The following SEMA3B variants were observed in gnomAD, a reference collection of about 807,000 sequenced individuals.
SEMA3B encodes semaphorin 3B, also known as semaphorin-3B.
Under a neutral mutation model 77.8 loss-of-function variants are expected in SEMA3B, and 71 were observed. That is an observed-to-expected ratio of 0.91 (90% CI 0.75 to 1.11). The LOEUF (loss-of-function observed/expected upper bound fraction) is 1.11. Among genes scored for constraint, SEMA3B ranks in the 50% most tolerant of loss-of-function variants. The pLI, the probability that SEMA3B is intolerant of heterozygous loss-of-function variation, is 0.00. For missense variants in SEMA3B, 968 were observed against 1,056.8 expected (o/e 0.92, Z 1.17); for synonymous variants, 470 against 452.9 (o/e 1.04, Z -0.48).
At position 50,275,818 on chromosome 3, in the gene SEMA3B, C is replaced by G. The variant is rs1357491950; in HGVS notation, c.1819C>G (p.Arg607Gly). ...LQARVEWTFQ[R>G]AGVTAHTQVL... Reference sequence around the variant, plus strand: ...GGCGCGCGTGGAGTGGACTTTCCAGCGCGCAGGGGTGACAGCCCACACCCA... The same window carrying G: ...GGCGCGCGTGGAGTGGACTTTCCAGGGCGCAGGGGTGACAGCCCACACCCA... The change falls in exon 16 of 17, where the codon CGC (arginine) becomes GGC (glycine). Residue 607 changes from arginine to glycine, a missense_variant. Transcript: ENST00000616701. The surrounding 1 kb of genome is among the most constrained non-coding windows in gnomAD (Gnocchi z 7.5). 2 of 1,608,352 alleles carry G rather than the reference C, an allele frequency of 1.2e-6. No individual in the cohort carries two copies. The highest frequency in any genetic ancestry group is 1.7e-6 in the Non-Finnish European group (2 of 1,178,934).
At chr3:50,271,037 G>A (rs1349039618) in intron 4 of SEMA3B, 28 bp downstream of exon 4, 2 of 1,584,004 alleles carry the variant, frequency 1.3e-6, no homozygotes, top group African/African-American at 2.7e-5. Flanking sequence ...CAGGGAGGGA[G>A]GTCAGGAGGG....
chr3:50,276,774 A>G lies in SEMA3B; in HGVS notation c.*68A>G. On this transcript the variant is annotated 3_prime_UTR_variant, in exon 17 of 17. Transcript: ENST00000616701. This position sits in a 1 kb window ranked among gnomAD's most constrained non-coding sequence, Gnocchi z 5.8. ...CGAGAGAGGAGCCAGACAGACCCTGAAAAGAAGGACGGGTTGGGGCCGGGC... is the reference window on the plus strand; with the variant it reads ...CGAGAGAGGAGCCAGACAGACCCTGGAAAGAAGGACGGGTTGGGGCCGGGC... 2.1e-6 allele frequency: 3 copies of G among 1,410,028 alleles called. No individual in the cohort carries two copies. The highest frequency in any genetic ancestry group is 2.8e-6 in the Non-Finnish European group (3 of 1,088,182). 87.3% of individuals were successfully genotyped at this position (1,410,028 alleles called of 1,614,324 possible). A position where few individuals can be genotyped will look rare whatever the true frequency, so the allele number is the denominator to read the frequency against.
upstream of SEMA3B, chr3:50,269,117 C>T (rs1411532128): frequency 1.7e-5 from 12 of 706,750 alleles, no homozygotes; most frequent in Non-Finnish European, 2.9e-5. This position sits in a 1 kb window ranked among gnomAD's most constrained non-coding sequence, Gnocchi z 4.0. Flanking sequence ...GGGACTCCCC[C>T]CCTAGCCTCC....
chr3:50,276,823 G>A lies in SEMA3B; in HGVS notation c.*117G>A. On this transcript the variant is annotated 3_prime_UTR_variant, in exon 17 of 17. Coordinates refer to ENST00000616701, the MANE Select transcript of SEMA3B (RefSeq NM_001290060.2). The surrounding 1 kb of genome is among the most constrained non-coding windows in gnomAD (Gnocchi z 5.8). ...GCACATTGGGGGTCACCGGCCGATG[G>A]AGACACCAACCGACAGGCCCTGGCT... The A allele has an allele frequency of 1.6e-6, 2 of 1,243,270 alleles. No homozygotes were observed. The allele number at this position is 1,243,270 out of a possible 1,614,324, so 77.0% of individuals were successfully genotyped here. A position where few individuals can be genotyped will look rare whatever the true frequency, so the allele number is the denominator to read the frequency against.
At position 50,276,132 on chromosome 3, in the gene SEMA3B, T is replaced by G; in HGVS notation, c.1846-170T>G. The G allele has an allele frequency of 2.1e-6, 2 of 972,842 alleles. No individual in the cohort carries two copies. The highest frequency in any genetic ancestry group is 2.9e-6 in the Non-Finnish European group (2 of 690,342). The allele number at this position is 972,842 out of a possible 1,614,324, so 60.3% of individuals were successfully genotyped here. On this transcript the variant is annotated intron_variant, in intron 16 of 16. Transcript: ENST00000616701. This position sits in a 1 kb window ranked among gnomAD's most constrained non-coding sequence, Gnocchi z 5.8. ...ACCCCGCCTCTTTCGGATTCTCCCT[T>G]GAAGACCACCAGCTCCCAAACACTC...
rs781833996 is a variant in SEMA3B at position 50,276,691 on chromosome 3, C to T, written c.2235C>T (p.Ser745=). The T allele has an allele frequency of 5.9e-6, 9 of 1,538,136 alleles. No homozygotes were observed. The highest frequency in any genetic ancestry group is 7.8e-6 in the Non-Finnish European group (9 of 1,150,224). The change falls in exon 17 of 17, where the codon AGC becomes AGT. Residue 745 remains serine (S), a synonymous_variant. Transcript: ENST00000616701. The surrounding 1 kb of genome is among the most constrained non-coding windows in gnomAD (Gnocchi z 5.8). The part of the protein sequence containing the change: ...PEPRAERGPR[S]ATHW ...CTCGCGCTGAGCGGGGGCCGCGCAG[C>T]GCAACGCACTGGTGACCAGACTGTC...
upstream of SEMA3B, among the ~76,000 whole-genome samples, chr3:50,268,126 C>T (rs1700948428): frequency 1.3e-5 from 2 of 152,136 alleles, no homozygotes; most frequent in Admixed American, 6.5e-5. Context: ...AAGGCCAGCT[C>T]AGCGAGGCCA....
chr3:50,263,514 A>C (rs2109228485), upstream of SEMA3B, among the ~76,000 whole-genome samples: 2 of 150,894 alleles, frequency 1.3e-5, no homozygotes, highest in South Asian at 4.2e-4. Flanking sequence ...AAAAAAAAAA[A>C]AAAAAAAAAA....
Position 50,270,346 on chromosome 3 carries a change from C to T in SEMA3B, c.267+62C>T, listed in dbSNP as rs1701013477. 1.9e-6 allele frequency: 3 copies of T among 1,609,762 alleles called. No homozygotes were observed. The African/African-American group carries it at 4.0e-5, about 21-fold the overall frequency. ...AGGAGCCCTGGGACCCCACTCCAGC[C>T]TGGAGAGACCCAGAGGAATGGCTCC... On this transcript the variant is annotated intron_variant, in intron 2 of 16. Coordinates refer to ENST00000616701, the MANE Select transcript of SEMA3B (RefSeq NM_001290060.2). The surrounding 1 kb of genome is among the most constrained non-coding windows in gnomAD (Gnocchi z 4.7).
chr3:50,260,278 G>C, the SEMA3B span: 1 of 152,184 alleles, frequency 6.6e-6, no homozygotes, highest in Non-Finnish European at 1.5e-5. Context: ...CCCCAGGACA[G>C]AGCGGCCTGG....
At position 50,275,309 on chromosome 3, in the gene SEMA3B, T is replaced by G; in HGVS notation, c.1499T>G (p.Leu500Arg). The change falls in exon 14 of 17, where the codon CTG (leucine) becomes CGG (arginine). Residue 500 changes from leucine to arginine, a missense_variant. Transcript: ENST00000616701. The surrounding 1 kb of genome is among the most constrained non-coding windows in gnomAD (Gnocchi z 7.5). ...SMQISSKRHQLYVASRSAVAQ... is the reference protein window; with the variant it reads ...SMQISSKRHQRYVASRSAVAQ... ...GCCCCTCGTGCCCCCTAGCACCAGC[T>G]GTACGTAGCCTCGCGGAGCGCGGTG... The G allele has an allele frequency of 6.4e-7, 1 of 1,567,870 alleles. No homozygotes were observed. The highest frequency in any genetic ancestry group is 2.4e-5 in the East Asian group (1 of 42,540).
chr3:50,260,572 C>G, the SEMA3B span: 3 of 152,300 alleles, frequency 2.0e-5, no homozygotes, highest in African/African-American at 7.2e-5. Flanking sequence ...AGGTCCCCGC[C>G]TTCTTTCAGA....
Position 50,275,658 on chromosome 3 carries a change from C to T in SEMA3B, c.1705+43C>T. ...CCCTACCCTCAGCCCCAGAAGACGC[C>T]CCACCTGCCCTGCCTTGCCTAAATC... On this transcript the variant is annotated intron_variant, in intron 15 of 16. Transcript: ENST00000616701. The surrounding 1 kb of genome is among the most constrained non-coding windows in gnomAD (Gnocchi z 7.5). 6.2e-7 allele frequency: 1 copy of T among 1,613,414 alleles called. No individual in the cohort carries two copies. Among genetic ancestry groups the T allele is most frequent in the Non-Finnish European group, 8.5e-7 (1 of 1,179,542 alleles).
rs1553706429 is a variant in SEMA3B, at chr3:50,275,561, C to T, written c.1651C>T (p.Arg551Trp). The stretch of plus-strand genomic sequence containing the variant: ...CAGAAGATCGGATGTTCCCCACAGG[C>T]GGTTCCGGCGGCAAGACGTAAGGAA... The part of the protein sequence containing the change: ...CTRFQPSAKR[R>W]FRRQDVRNGD... The change falls in exon 15 of 17, where the codon CGG becomes TGG. Residue 551 changes from arginine (R) to tryptophan (W), a missense_variant and splice_region_variant. Arg to Trp is a moderately radical substitution (Grantham distance 101). Transcript: ENST00000616701. This position sits in a 1 kb window ranked among gnomAD's most constrained non-coding sequence, Gnocchi z 7.5. The T allele has an allele frequency of 1.2e-6, 2 of 1,613,656 alleles. No homozygotes were observed. The highest frequency in any genetic ancestry group is 4.5e-5 in the East Asian group (2 of 44,880).
Position 50,273,476 on chromosome 3 carries a change from T to C in SEMA3B, c.810+33T>C. 1.2e-6 allele frequency: 2 copies of C among 1,610,700 alleles called. No homozygotes were observed. Among genetic ancestry groups the C allele is most frequent in the Non-Finnish European group, 1.7e-6 (2 of 1,177,662 alleles). On this transcript the variant is annotated intron_variant, in intron 7 of 16. Transcript: ENST00000616701. The surrounding 1 kb of genome is among the most constrained non-coding windows in gnomAD (Gnocchi z 6.5). The stretch of plus-strand genomic sequence containing the variant: ...GTCCCTGGGCCACACCCGGCGACCC[T>C]GCCCCTACCCCTTTGCCTGCCCTGG...
rs1701283002 is a variant in SEMA3B, at chr3:50,277,088, G to A, written c.*382G>A. 4.0e-6 allele frequency: 1 copy of A among 249,622 alleles called. No homozygotes were observed. Among genetic ancestry groups the A allele is most frequent in the Admixed American group, 5.5e-5 (1 of 18,104 alleles). 15.5% of individuals were successfully genotyped at this position (249,622 alleles called of 1,614,324 possible). On this transcript the variant is annotated 3_prime_UTR_variant, in exon 17 of 17. Coordinates refer to ENST00000616701, the MANE Select transcript of SEMA3B (RefSeq NM_001290060.2). Reference sequence around the variant, plus strand: ...TGAACAGGCTGGGCTGCTGGAGGTGGGGCGAGGCAGGCCGACTGTACTAAA... The same window carrying A: ...TGAACAGGCTGGGCTGCTGGAGGTGAGGCGAGGCAGGCCGACTGTACTAAA...
rs1701270207 is a variant in SEMA3B at position 50,276,773 on chromosome 3, G to GA, written c.*71dup. On this transcript the variant is annotated 3_prime_UTR_variant, in exon 17 of 17. Coordinates refer to ENST00000616701, the MANE Select transcript of SEMA3B (RefSeq NM_001290060.2). The surrounding 1 kb of genome is among the most constrained non-coding windows in gnomAD (Gnocchi z 5.8). ...GCGAGAGAGGAGCCAGACAGACCCT[G>GA]AAAAGAAGGACGGGTTGGGGCCGGG... 3 of 1,410,496 alleles carry GA rather than the reference G, an allele frequency of 2.1e-6. No homozygotes were observed. The highest frequency in any genetic ancestry group is 2.8e-6 in the Non-Finnish European group (3 of 1,088,596). The allele number at this position is 1,410,496 out of a possible 1,614,324, so 87.4% of individuals were successfully genotyped here.
upstream of SEMA3B, among the ~76,000 whole-genome samples, chr3:50,268,385 C>T (rs1438467571): frequency 5.9e-5 from 9 of 152,228 alleles, no homozygotes; most frequent in African/African-American, 2.2e-4. Flanking sequence ...CATGTCTATT[C>T]TTATGGGTGC....
At chr3:50,271,563 G>C in intron 6 of SEMA3B, 83 bp downstream of exon 6, 3 of 1,534,888 alleles carry the variant, frequency 2.0e-6, no homozygotes, top group Non-Finnish European at 2.6e-6. Context: ...AAGTAAGTGA[G>C]CAGTGGGTGT....
Sources: gnomAD v4.1 joint callset for allele counts (sites outside exome capture counted in the v4.1 genomes callset) on GRCh38, gnomAD v4.1.1 for gene constraint, Gnocchi (gnomAD v3.1) non-coding constraint, MANE v1.5 for transcripts, NCBI Gene and HGNC (gene_info 2026-07-23, HGNC 2026-07-21) for gene names.